GRIK4: variants seen among roughly 807,000 people sequenced by gnomAD.
The protein encoded by GRIK4 is glutamate ionotropic receptor kainate type subunit 4.
GRIK4 carries 40 observed loss-of-function variants against 104.9 expected under a neutral mutation model. That is an observed-to-expected ratio of 0.38 (90% CI 0.30 to 0.50). GRIK4 has a LOEUF of 0.50. GRIK4 is among the 20% of genes least tolerant of loss of function. The pLI is 0.93. For missense variants in GRIK4, 1,047 were observed against 1,308.1 expected (o/e 0.80, Z 3.08); for synonymous variants, 485 against 524.9 (o/e 0.92, Z 1.04).
chr11:120,786,864 A>G (rs1952289470), intron 3 of GRIK4, among the ~76,000 whole-genome samples: 1 of 152,238 alleles, frequency 6.6e-6, no homozygotes, highest in Non-Finnish European at 1.5e-5. Flanking sequence ...TTAGACCTGC[A>G]TTACGCAGTG....
intron 3 of GRIK4, among the ~76,000 whole-genome samples, chr11:120,727,828 A>G (rs1329726660): frequency 3.3e-5 from 5 of 152,148 alleles, no homozygotes; most frequent in African/African-American, 1.2e-4. Flanking sequence ...AACACTATAA[A>G]TAATGCTTAT....
chr11:120,624,834 T>C (rs563732155), intron 1 of GRIK4, among the ~76,000 whole-genome samples: 1 of 152,258 alleles, frequency 6.6e-6, no homozygotes, highest in East Asian at 1.9e-4. Flanking sequence ...TATAGAAAGC[T>C]ACACAGAAAT....
intron 3 of GRIK4, among the ~76,000 whole-genome samples, chr11:120,714,005 A>C (rs1342545925): frequency 1.3e-5 from 2 of 152,224 alleles, no homozygotes; most frequent in African/African-American, 2.4e-5. Context: ...CATTATTCAC[A>C]GGATTTCATC....
intron 11 of GRIK4, among the ~76,000 whole-genome samples, chr11:120,876,001 C>G (rs920064896): frequency 1.3e-5 from 2 of 152,128 alleles, no homozygotes; most frequent in Non-Finnish European, 2.9e-5. Flanking sequence ...GCACTAAATA[C>G]AGCAAGAAGT....
At chr11:120,726,928 G>A (rs528687323) in intron 3 of GRIK4, among the ~76,000 whole-genome samples, 1 of 152,106 alleles carries the variant, frequency 6.6e-6, no homozygotes, top group African/African-American at 2.4e-5. Flanking sequence ...CTAGGTGACG[G>A]GAGTATTTCC....
At chr11:120,811,316 C>T (rs982852354) in intron 4 of GRIK4, among the ~76,000 whole-genome samples, 1 of 152,162 alleles carries the variant, frequency 6.6e-6, no homozygotes, top group Non-Finnish European at 1.5e-5. Flanking sequence ...AAGACAATAA[C>T]TCAGTGTTCC....
At chr11:120,626,273 A>C (rs1199983104) in intron 1 of GRIK4, among the ~76,000 whole-genome samples, 3 of 152,210 alleles carry the variant, frequency 2.0e-5, no homozygotes, top group Non-Finnish European at 4.4e-5. Flanking sequence ...TGCTGGTGAC[A>C]GATGACCCAA....
chr11:120,774,059 C>T (rs1447818698), intron 3 of GRIK4, among the ~76,000 whole-genome samples: 1 of 152,210 alleles, frequency 6.6e-6, no homozygotes, highest in Non-Finnish European at 1.5e-5. Flanking sequence ...AAGCTACAAA[C>T]ATCAGGATTA....
intron 19 of GRIK4, among the ~76,000 whole-genome samples, chr11:120,976,594 T>A (rs533102559): frequency 6.6e-6 from 1 of 152,224 alleles, no homozygotes. Context: ...CAAGAATCCA[T>A]GTTCTTGTCC....
rs140494685 is a variant in GRIK4 at position 120,944,122 on chromosome 11, C to T, written c.1590+3662C>T. On this transcript the variant is annotated intron_variant, in intron 14 of 20. Transcript: ENST00000527524. ...TTGGCATTCGTTACTGTTTTTCCAT[C>T]CTGCTTTTTAAAAGTCACTCTCTCT... 1.1e-4 allele frequency among the ~76,000 whole-genome samples: 16 copies of T among 152,182 alleles called. No individual in the cohort carries two copies. In the East Asian group the frequency reaches 3.1e-3, roughly 30 times the overall value.
At chr11:120,871,818 G>C in intron 9 of GRIK4, 1 of 456,224 alleles carries the variant, frequency 2.2e-6, no homozygotes, top group Non-Finnish European at 4.4e-6. Flanking sequence ...GAGAGAGAGG[G>C]AGGAAGAAAG....
At chr11:120,760,118 A>T (rs1330499955) in intron 3 of GRIK4, among the ~76,000 whole-genome samples, 2 of 151,852 alleles carry the variant, frequency 1.3e-5, no homozygotes, top group African/African-American at 2.4e-5. Context: ...TTGTATTCTT[A>T]GACTTATGTC....
intron 5 of GRIK4, among the ~76,000 whole-genome samples, chr11:120,816,953 C>T (rs1225209000): frequency 6.6e-6 from 1 of 152,194 alleles, no homozygotes; most frequent in African/African-American, 2.4e-5. Flanking sequence ...CTCCCAGCCT[C>T]TCCCAGGCCG....
At chr11:120,601,031 G>A (rs1309441657) in intron 1 of GRIK4, among the ~76,000 whole-genome samples, 2 of 152,178 alleles carry the variant, frequency 1.3e-5, no homozygotes, top group Non-Finnish European at 2.9e-5. Context: ...CTCTAGCCTG[G>A]TGACAGAGTG....
rs147999017 is a variant in GRIK4 at position 120,867,012 on chromosome 11, G to A, written c.906+4892G>A. Among the ~76,000 whole-genome samples, 5 of 152,206 alleles carry A rather than the reference G, an allele frequency of 3.3e-5. No homozygotes were observed. In the South Asian group the frequency reaches 6.3e-4, roughly 19 times the overall value. On this transcript the variant is annotated intron_variant, in intron 9 of 20. Transcript: ENST00000527524. ...CAAGTGGGGAAACTGAGGCACGGAC[G>A]TGCTGGATGGCACATCAAGGGTCCT...
At chr11:120,764,224 T>G (rs1302178568) in intron 3 of GRIK4, among the ~76,000 whole-genome samples, 1 of 152,234 alleles carries the variant, frequency 6.6e-6, no homozygotes, top group African/African-American at 2.4e-5. Context: ...TTTTGATCTT[T>G]GTTGGTTTAA....
intron 13 of GRIK4, among the ~76,000 whole-genome samples, chr11:120,907,108 C>A (rs191026312): frequency 6.6e-6 from 1 of 152,358 alleles, no homozygotes; most frequent in African/African-American, 2.4e-5. Context: ...GCTTTCTCTA[C>A]TTAGTCTTTC....
chr11:120,532,937 G>A (rs1465341680), intron 1 of GRIK4, among the ~76,000 whole-genome samples: 1 of 152,182 alleles, frequency 6.6e-6, no homozygotes, highest in Non-Finnish European at 1.5e-5. Context: ...TATTCACCAG[G>A]CCCTGTGTTC....
At chr11:120,699,584 C>T (rs992716189) in intron 3 of GRIK4, among the ~76,000 whole-genome samples, 1 of 142,092 alleles carries the variant, frequency 7.0e-6, no homozygotes, top group East Asian at 2.0e-4. Flanking sequence ...TGTGTGTGTA[C>T]CCATATAGTC....
Sources: allele counts gnomAD v4.1 joint callset (sites outside exome capture counted in the v4.1 genomes callset), GRCh38; gene constraint gnomAD v4.1.1; transcripts MANE v1.5; gene names NCBI Gene and HGNC (gene_info 2026-07-23, HGNC 2026-07-21).